The following EPB41L5 variants were observed in gnomAD, a reference collection of about 807,000 sequenced individuals.
EPB41L5 encodes erythrocyte membrane protein band 4.1 like 5.
In EPB41L5, 55 loss-of-function variants were observed where a neutral mutation model predicts 106.6. The observed-to-expected ratio is 0.52, with a 90% CI of 0.42 to 0.65. The LOEUF is 0.65. Ranked by LOEUF, EPB41L5 falls within the 30% of genes least tolerant of loss-of-function variation. The probability of loss-of-function intolerance (pLI) is 0.00; values close to 1 mark genes in which losing one functional copy is unlikely to be tolerated. For missense variants in EPB41L5, 871 were observed against 882.1 expected (o/e 0.99, Z 0.16); for synonymous variants, 297 against 306.7 (o/e 0.97, Z 0.33).
rs1687973179 is a variant in EPB41L5, at chr2:120,177,873, GTTATC to G, written c.*2971_*2975del. On this transcript the variant is annotated 3_prime_UTR_variant, in exon 25 of 25. Coordinates refer to ENST00000263713, the MANE Select transcript of EPB41L5 (RefSeq NM_020909.4). ...TTGGGTTCTTGGATCTGGACTACTT[GTTATC>G]TTATGCTTCTCACTTCTGGCTAAAA... 6.6e-6 allele frequency: 1 copy of G among 152,072 alleles called. No homozygotes were observed. Among genetic ancestry groups the G allele is most frequent in the African/African-American group, 2.4e-5 (1 of 41,310 alleles). 9.4% of individuals were successfully genotyped at this position (152,072 alleles called of 1,614,324 possible). A position where few individuals can be genotyped will look rare whatever the true frequency, so the allele number is the denominator to read the frequency against.
intron 3 of EPB41L5, among the ~76,000 whole-genome samples, chr2:120,059,876 G>C (rs2105277169): frequency 6.6e-6 from 1 of 152,294 alleles, no homozygotes; most frequent in South Asian, 2.1e-4. Flanking sequence ...GCGAAACCGT[G>C]TCTCAACCAA....
chr2:120,068,469 G>A (rs1681607115), intron 3 of EPB41L5, among the ~76,000 whole-genome samples: 1 of 152,168 alleles, frequency 6.6e-6, no homozygotes, highest in African/African-American at 2.4e-5. Flanking sequence ...TGAAATTCTT[G>A]CTGCCAGCAC....
intron 14 of EPB41L5, among the ~76,000 whole-genome samples, chr2:120,096,818 G>A (rs1375125344): frequency 6.6e-6 from 1 of 152,026 alleles, no homozygotes; most frequent in Non-Finnish European, 1.5e-5. Context: ...GAAAAATGGA[G>A]TAATGTTTGA....
intron 16 of EPB41L5, among the ~76,000 whole-genome samples, chr2:120,124,057 G>T (rs1685350213): frequency 6.6e-6 from 1 of 152,196 alleles, no homozygotes; most frequent in South Asian, 2.1e-4. Context: ...GACTTACTTG[G>T]TTGGTTCTTT....
intron 2 of EPB41L5, among the ~76,000 whole-genome samples, chr2:120,036,135 C>T (rs1450692938): frequency 6.6e-6 from 1 of 152,186 alleles, no homozygotes; most frequent in Admixed American, 6.5e-5. Context: ...CATAATAGCA[C>T]TGCCTAAAAA....
At chr2:120,170,948 C>CA (rs1687647448) in intron 24 of EPB41L5, among the ~76,000 whole-genome samples, 1 of 152,138 alleles carries the variant, frequency 6.6e-6, no homozygotes, top group Non-Finnish European at 1.5e-5. Flanking sequence ...ATTCAATTTG[C>CA]AAAAAGTTGT....
intron 14 of EPB41L5, among the ~76,000 whole-genome samples, chr2:120,097,697 T>G (rs1683849267): frequency 6.6e-6 from 1 of 152,208 alleles, no homozygotes; most frequent in Non-Finnish European, 1.5e-5. Context: ...GAAGGTATAC[T>G]ATGTAAAAGC....
chr2:120,091,110 T>A (rs1273938794), intron 12 of EPB41L5, among the ~76,000 whole-genome samples: 5 of 152,242 alleles, frequency 3.3e-5, no homozygotes, highest in Non-Finnish European at 7.3e-5. Context: ...GGAGGCATTT[T>A]CTAAACAGAA....
rs191298308 is a variant in EPB41L5, at chr2:120,035,042, A to G, written c.181-6964A>G. Among the ~76,000 whole-genome samples the G allele has an allele frequency of 2.5e-3, 374 of 152,300 alleles. 3 individuals carry two copies. The highest frequency in any genetic ancestry group is 4.4e-3 in the Non-Finnish European group (301 of 68,028). On this transcript the variant is annotated intron_variant, in intron 2 of 24. Coordinates refer to ENST00000263713, the MANE Select transcript of EPB41L5 (RefSeq NM_020909.4). ...TGTTTTATTATTTAAACGCACATAC[A>G]CAGTTGGGAATTTTGCATTTGTTGT...
At chr2:120,104,297 A>G in intron 16 of EPB41L5, 1 of 1,496,306 alleles carries the variant, frequency 6.7e-7, no homozygotes. Flanking sequence ...GGTATACATT[A>G]TCTGGTGTTT....
At chr2:120,089,377 T>C (rs1383787596) in intron 11 of EPB41L5, among the ~76,000 whole-genome samples, 1 of 152,094 alleles carries the variant, frequency 6.6e-6, no homozygotes, top group Non-Finnish European at 1.5e-5. Context: ...TGGAGGGTAT[T>C]ATTCTCATAT....
chr2:120,030,654 A>G (rs1422269032), intron 2 of EPB41L5, among the ~76,000 whole-genome samples: 1 of 152,026 alleles, frequency 6.6e-6, no homozygotes, highest in African/African-American at 2.4e-5. Context: ...CCCGGGTTCA[A>G]GTGATTCTCC....
At chr2:120,171,479 T>G (rs7602678) in intron 24 of EPB41L5, among the ~76,000 whole-genome samples, 106,207 of 152,138 alleles carry the variant, frequency 0.7, 38,340 homozygotes, top group Non-Finnish European at 0.79. Flanking sequence ...CTCTGGATCT[T>G]GGAATTTCCA....
chr2:120,087,021 T>C, intron 10 of EPB41L5, 150 bp from the exon 11 acceptor site: 2 of 545,792 alleles, frequency 3.7e-6, no homozygotes, highest in Non-Finnish European at 6.5e-6. Context: ...TTTCCTGTCT[T>C]TTGATGGGCA....
At chr2:120,034,046 A>G (rs1406273864) in intron 2 of EPB41L5, among the ~76,000 whole-genome samples, 1 of 152,170 alleles carries the variant, frequency 6.6e-6, no homozygotes, top group Non-Finnish European at 1.5e-5. Flanking sequence ...CAGTGAGCCA[A>G]GATCCCACCA....
At chr2:120,079,312 A>G (rs1216815749) in intron 10 of EPB41L5, among the ~76,000 whole-genome samples, 1 of 152,196 alleles carries the variant, frequency 6.6e-6, no homozygotes, top group Non-Finnish European at 1.5e-5. Flanking sequence ...ATATCCCATG[A>G]AACTGCACCC....
chr2:120,019,923 T>C (rs370760248), intron 2 of EPB41L5, among the ~76,000 whole-genome samples: 2 of 144,254 alleles, frequency 1.4e-5, no homozygotes, highest in African/African-American at 2.6e-5. Flanking sequence ...TTTTTTTTTT[T>C]CAGAAATATA....
intron 18 of EPB41L5, among the ~76,000 whole-genome samples, chr2:120,135,423 A>G (rs571797844): frequency 6.6e-6 from 1 of 152,210 alleles, no homozygotes; most frequent in African/African-American, 2.4e-5. Context: ...AAAGATATCA[A>G]TATTCAAGTA....
chr2:120,038,489 T>TA (rs1227670181), intron 2 of EPB41L5, among the ~76,000 whole-genome samples: 14 of 152,178 alleles, frequency 9.2e-5, no homozygotes, highest in African/African-American at 3.1e-4. Context: ...AAGTTAAACA[T>TA]ACGGCTGGGT....
Sources: allele counts gnomAD v4.1 joint callset (sites outside exome capture counted in the v4.1 genomes callset), GRCh38; gene constraint gnomAD v4.1.1; transcripts MANE v1.5; gene names NCBI Gene and HGNC (gene_info 2026-07-23, HGNC 2026-07-21).